Variants in ADCY7 observed in about 807,000 individuals in gnomAD.
ADCY7 encodes adenylate cyclase type 7.
Under a neutral mutation model 120.6 loss-of-function variants are expected in ADCY7, and 72 were observed. The observed-to-expected ratio is 0.60, with a 90% CI of 0.49 to 0.73. The LOEUF (loss-of-function observed/expected upper bound fraction) is 0.73, where lower values mean the gene tolerates loss of function less well. ADCY7 is among the 30% of genes least tolerant of loss of function. ADCY7 has a pLI of 0.00. For synonymous variants in ADCY7, 661 were observed against 628.0 expected (o/e 1.05, Z -0.78); for missense variants, 1,227 against 1,486.0 (o/e 0.83, Z 2.87).
intron 1 of ADCY7, among the ~76,000 whole-genome samples, chr16:50,276,516 G>A (rs2033902397): frequency 6.6e-6 from 1 of 152,244 alleles, no homozygotes; most frequent in South Asian, 2.1e-4. Context: ...GGGTAGGACT[G>A]TTATTCTCCT....
chr16:50,263,081 G>C (rs1040517713), upstream of ADCY7, among the ~76,000 whole-genome samples: 1 of 152,200 alleles, frequency 6.6e-6, no homozygotes, highest in Non-Finnish European at 1.5e-5. Flanking sequence ...TTGAATCCTG[G>C]CTCTGCCTTT....
rs2036765616 is a variant in ADCY7 at position 50,315,583 on chromosome 16, C to T, written c.*78C>T. 6 of 1,540,616 alleles carry T rather than the reference C, an allele frequency of 3.9e-6. No individual in the cohort carries two copies. The East Asian group carries it at 1.4e-4, about 35-fold the overall frequency. ...CAAGCCCAGGAGAAGACTCTCCGCC[C>T]CACGCCAATCCCAAAGGCATGCAGA... On this transcript the variant is annotated 3_prime_UTR_variant, in exon 26 of 26. Coordinates refer to ENST00000673801, the MANE Select transcript of ADCY7 (RefSeq NM_001114.5).
At chr16:50,301,802 G>C (rs1002078278) in intron 10 of ADCY7, 20 of 154,308 alleles carry the variant, frequency 1.3e-4, no homozygotes, top group African/African-American at 4.8e-4. Context: ...CCACTTCTCT[G>C]TGAATCATCC....
Position 50,315,882 on chromosome 16 carries a change from GTC to G in ADCY7, c.*379_*380del. 5.0e-6 allele frequency: 1 copy of G among 198,328 alleles called. No individual in the cohort carries two copies. The highest frequency in any genetic ancestry group is 2.2e-3 in the Middle Eastern group (1 of 458). The allele number at this position is 198,328 out of a possible 1,614,324, so 12.3% of individuals were successfully genotyped here. A position where few individuals can be genotyped will look rare whatever the true frequency, so the allele number is the denominator to read the frequency against. On this transcript the variant is annotated 3_prime_UTR_variant, in exon 26 of 26. Coordinates refer to ENST00000673801, the MANE Select transcript of ADCY7 (RefSeq NM_001114.5). ...TGGCCTGTGGGCACGCACAAGTGAGGTCTGTTTTTCTAGACACCAAGGGGGAG... is the reference window on the plus strand; with the variant it reads ...TGGCCTGTGGGCACGCACAAGTGAGGTGTTTTTCTAGACACCAAGGGGGAG...
intron 1 of ADCY7, among the ~76,000 whole-genome samples, chr16:50,259,403 G>C (rs917776596): frequency 4.6e-5 from 7 of 152,236 alleles, no homozygotes; most frequent in African/African-American, 1.7e-4. Context: ...GGCCTCTGGT[G>C]CGGCCCAGCT....
intron 10 of ADCY7, among the ~76,000 whole-genome samples, chr16:50,303,880 G>C (rs991189406): frequency 6.6e-6 from 1 of 152,130 alleles, no homozygotes; most frequent in Non-Finnish European, 1.5e-5. Context: ...GAGCGAATGC[G>C]TGCCGGCCAC....
intron 19 of ADCY7, among the ~76,000 whole-genome samples, chr16:50,311,324 G>A (rs1320089912): frequency 6.6e-6 from 1 of 152,092 alleles, no homozygotes; most frequent in African/African-American, 2.4e-5. Context: ...TGGAAGCCTG[G>A]GACCCAGAAC....
At chr16:50,276,337 T>C (rs2150869227) in intron 1 of ADCY7, among the ~76,000 whole-genome samples, 1 of 152,320 alleles carries the variant, frequency 6.6e-6, no homozygotes, top group East Asian at 1.9e-4. Context: ...TGCTGGCTCA[T>C]GGCAGGGTTG....
In ADCY7 at chr16:50,266,621, G is replaced by T. The variant is rs1001095897; in HGVS notation, c.-328G>T. The T allele has an allele frequency of 6.5e-6, 1 of 153,730 alleles. No homozygotes were observed. Among genetic ancestry groups the T allele is most frequent in the African/African-American group, 2.4e-5 (1 of 41,470 alleles). 9.5% of individuals were successfully genotyped at this position (153,730 alleles called of 1,614,324 possible). On this transcript the variant is annotated 5_prime_UTR_variant, in exon 1 of 26. Transcript: ENST00000673801. ...GGGCGCGTCTGAGGAAGGGCAGGCG[G>T]GGGCCGGGCCACCTCCCTGCAGACC...
chr16:50,315,602 A>C lies in ADCY7; in HGVS notation c.*97A>C, dbSNP rs1215677406. 3 of 1,466,870 alleles carry C rather than the reference A, an allele frequency of 2.0e-6. No homozygotes were observed. The highest frequency in any genetic ancestry group is 2.8e-6 in the Non-Finnish European group (3 of 1,076,704). The allele number at this position is 1,466,870 out of a possible 1,614,324, so 90.9% of individuals were successfully genotyped here. ...TCCGCCCCACGCCAATCCCAAAGGC[A>C]TGCAGATGGCTGTGCATGTTGGCTT... On this transcript the variant is annotated 3_prime_UTR_variant, in exon 26 of 26. Transcript: ENST00000673801.
Position 50,309,636 on chromosome 16 carries a change from A to T in ADCY7, c.2150A>T (p.Glu717Val). The change falls in exon 18 of 26, where the codon GAG (glutamate) becomes GTG (valine). Residue 717 changes from glutamate (E) to valine (V), a missense_variant. Coordinates refer to ENST00000673801, the MANE Select transcript of ADCY7 (RefSeq NM_001114.5). ...AASSKTRALC[E>V]PLPYYTCSCV... The stretch of plus-strand genomic sequence containing the variant: ...AGCAGCAAGACAAGAGCCCTGTGTG[A>T]GCCCCTCCCGGTGAGTGCGCCGGGC... The T allele has an allele frequency of 6.2e-7, 1 of 1,610,106 alleles. No individual in the cohort carries two copies. The highest frequency in any genetic ancestry group is 8.5e-7 in the Non-Finnish European group (1 of 1,179,958).
chr16:50,310,641 T>C lies in ADCY7; in HGVS notation c.2161-46T>C, dbSNP rs2036396095. On this transcript the variant is annotated intron_variant, in intron 18 of 25. Transcript: ENST00000673801. ...GTATGTGCTGGGCTGGAGGCGAGAG[T>C]ACGTGGTGGGGTGGCCCTGTCCTGA... The C allele has an allele frequency of 5.6e-6, 9 of 1,606,076 alleles. No homozygotes were observed. In the East Asian group the frequency reaches 2.0e-4, roughly 36 times the overall value.
At chr16:50,309,955 A>C (rs1376379492) in intron 18 of ADCY7, among the ~76,000 whole-genome samples, 1 of 152,148 alleles carries the variant, frequency 6.6e-6, no homozygotes, top group African/African-American at 2.4e-5. Context: ...CAGGCCTGTC[A>C]CTATTTTATA....
chr16:50,315,094 G>A lies in ADCY7; in HGVS notation c.3052G>A (p.Val1018Met). 6.2e-7 allele frequency: 1 copy of A among 1,614,244 alleles called. No individual in the cohort carries two copies. Among genetic ancestry groups the A allele is most frequent in the Non-Finnish European group, 8.5e-7 (1 of 1,180,054 alleles). ...QYDIWGNTVN[V>M]ASRMESTGEL... is the part of the protein sequence containing the mutation. The stretch of plus-strand genomic sequence containing the variant: ...TGACATCTGGGGAAACACTGTCAAT[G>A]TGGCCAGCCGAATGGAAAGCACTGG... Residue 1018 changes from valine to methionine, a missense_variant, in exon 25 of 26, where the codon GTG becomes ATG. Around this residue, in one of 5 missense-constraint regions of ADCY7, gnomAD observed 244 missense variants for 332.8 expected, o/e 0.73. Transcript: ENST00000673801.
intron 1 of ADCY7, among the ~76,000 whole-genome samples, chr16:50,282,312 G>A (rs1050839789): frequency 6.6e-6 from 1 of 152,252 alleles, no homozygotes; most frequent in Non-Finnish European, 1.5e-5. Flanking sequence ...GATTTTCCGA[G>A]CACCCAGGGA....
intron 10 of ADCY7, 99 bp from the exon 11 acceptor site, chr16:50,304,261 C>T (rs564201911): frequency 3.0e-5 from 35 of 1,169,668 alleles, no homozygotes; most frequent in East Asian, 2.4e-4. Flanking sequence ...GGGCTCAGGG[C>T]GGCGTCACAC....
chr16:50,299,625 G>C (rs1015188080), intron 8 of ADCY7, among the ~76,000 whole-genome samples: 1 of 152,238 alleles, frequency 6.6e-6, no homozygotes, highest in Non-Finnish European at 1.5e-5. Context: ...ATATCAGGCC[G>C]TGTTCCAGCC....
Position 50,307,043 on chromosome 16 carries a change from C to T in ADCY7, c.1753-7C>T, listed in dbSNP as rs780138521. 1.3e-5 allele frequency: 21 copies of T among 1,604,796 alleles called. No homozygotes were observed. The highest frequency in any genetic ancestry group is 2.2e-5 in the South Asian group (2 of 90,832). On this transcript the variant is annotated splice_polypyrimidine_tract_variant and splice_region_variant and intron_variant, in intron 14 of 25. Transcript: ENST00000673801. ...TGGCCACCCCTCACAGTCCCTGCTGCCCCCAGTACCGCCTGGCACCCATCC... is the reference window on the plus strand; with the variant it reads ...TGGCCACCCCTCACAGTCCCTGCTGTCCCCAGTACCGCCTGGCACCCATCC...
At chr16:50,257,364 A>G (rs1044590189) in intron 1 of ADCY7, among the ~76,000 whole-genome samples, 6 of 152,198 alleles carry the variant, frequency 3.9e-5, no homozygotes, top group Non-Finnish European at 7.3e-5. Flanking sequence ...CAAAGGATAC[A>G]AAGTTTCAGT....
Sources: allele counts gnomAD v4.1 joint callset (sites outside exome capture counted in the v4.1 genomes callset), GRCh38; gene constraint gnomAD v4.1.1; regional missense constraint gnomAD v4.1.1; transcripts MANE v1.5; gene names NCBI Gene and HGNC (gene_info 2026-07-23, HGNC 2026-07-21).